The following HADH variants were observed in gnomAD, a reference collection of about 807,000 sequenced individuals.
The protein encoded by HADH is hydroxyacyl-coenzyme A dehydrogenase, mitochondrial.
HADH carries 24 observed loss-of-function variants against 32.2 expected under a neutral mutation model. That is an observed-to-expected ratio of 0.75 (90% CI 0.54 to 1.05). The LOEUF (loss-of-function observed/expected upper bound fraction) is 1.05. HADH is among the 50% of genes least tolerant of loss of function. HADH has a pLI of 0.00. For synonymous variants in HADH, 139 were observed against 152.5 expected, an observed-to-expected ratio of 0.91 and a Z score of 0.65; for missense variants, 350 against 397.1, an observed-to-expected ratio of 0.88 and a Z score of 1.01.
chr4:108,034,131 G>A (rs1245986355), intron 7 of HADH, 108 bp from the exon 8 acceptor site: 3 of 814,750 alleles, frequency 3.7e-6, no homozygotes, highest in East Asian at 2.5e-5. Context: ...CCATGCCTGG[G>A]GGGCTCTCCC....
In HADH at chr4:108,019,501, G is replaced by T. The variant is rs575507968; in HGVS notation, c.420-39G>T. ...AGAGTCATGCTGTTTTGAAAGAAGAGATTCACTCTGATACTCCCACTATAT... is the reference window on the plus strand; with the variant it reads ...AGAGTCATGCTGTTTTGAAAGAAGATATTCACTCTGATACTCCCACTATAT... On this transcript the variant is annotated intron_variant, in intron 3 of 7. Transcript: ENST00000309522. 19 of 1,598,962 alleles carry T rather than the reference G, an allele frequency of 1.2e-5. No individual in the cohort carries two copies. In the African/African-American group the frequency reaches 2.4e-4, roughly 20 times the overall value.
Position 108,014,578 on chromosome 4 carries a change from T to A in HADH, c.409T>A (p.Phe137Ile), listed in dbSNP as rs754407550. 2 of 1,613,694 alleles carry A rather than the reference T, an allele frequency of 1.2e-6. No individual in the cohort carries two copies. Among genetic ancestry groups the A allele is most frequent in the Admixed American group, 3.3e-5 (2 of 59,998 alleles). Residue 137 changes from phenylalanine to isoleucine, a missense_variant, in exon 3 of 8, where the codon TTT (phenylalanine) becomes ATT (isoleucine). Physicochemically the swap from Phe to Ile is conservative, Grantham distance 21 (BLOSUM62 0). Coordinates refer to ENST00000309522, the MANE Select transcript of HADH (RefSeq NM_005327.7). ...CGAGCTCTTCAAAAGGCTGGACAAG[T>A]TTGCTGCTGAGTATGTAACCTCTGG... The part of the protein sequence containing the change: ...KNELFKRLDK[F>I]AAEHTIFASN...
intron 1 of HADH, among the ~76,000 whole-genome samples, chr4:108,007,106 T>A (rs1385085782): frequency 6.6e-6 from 1 of 152,098 alleles, no homozygotes; most frequent in Non-Finnish European, 1.5e-5. Flanking sequence ...TTTGTTTGTT[T>A]GTTTGTTTGT....
chr4:108,019,743 C>A, intron 4 of HADH, 77 bp downstream of exon 4: 2 of 1,559,468 alleles, frequency 1.3e-6, no homozygotes, highest in East Asian at 2.2e-5. Context: ...TTACACCAGC[C>A]CTGCCACCAG....
intron 1 of HADH, among the ~76,000 whole-genome samples, chr4:108,004,082 T>C (rs1013391470): frequency 2.6e-5 from 4 of 152,202 alleles, no homozygotes; most frequent in African/African-American, 9.6e-5. Context: ...AAGAAAGGCA[T>C]GTGAGCAGGC....
At chr4:108,023,404 A>G in intron 4 of HADH, 70 bp from the exon 5 acceptor site, 1 of 896,076 alleles carries the variant, frequency 1.1e-6, no homozygotes, top group East Asian at 2.4e-5. Context: ...TTGATCAATC[A>G]TTCCTTGAAC....
chr4:108,013,850 G>A (rs1578254429), intron 2 of HADH, among the ~76,000 whole-genome samples: 1 of 152,008 alleles, frequency 6.6e-6, no homozygotes, highest in Non-Finnish European at 1.5e-5. Flanking sequence ...AATGTGGCTA[G>A]TAGAATATTT....
chr4:108,012,163 C>T (rs923644393), intron 2 of HADH, among the ~76,000 whole-genome samples: 2 of 151,970 alleles, frequency 1.3e-5, no homozygotes, highest in Non-Finnish European at 2.9e-5. Flanking sequence ...ACTCAAAGTG[C>T]TGGGATTACA....
At chr4:108,014,872 A>G (rs1735641367) in intron 3 of HADH, among the ~76,000 whole-genome samples, 1 of 152,116 alleles carries the variant, frequency 6.6e-6, no homozygotes, top group African/African-American at 2.4e-5. Context: ...TTTAGCTATC[A>G]CTTATATGTG....
At chr4:108,004,170 T>C (rs1475363138) in intron 1 of HADH, among the ~76,000 whole-genome samples, 1 of 152,186 alleles carries the variant, frequency 6.6e-6, no homozygotes, top group East Asian at 1.9e-4. Context: ...TCAGAGGAGA[T>C]AATTTATGAA....
chr4:108,029,056 T>A (rs1736164491), intron 6 of HADH: 1 of 395,498 alleles, frequency 2.5e-6, no homozygotes, highest in South Asian at 1.4e-4. Context: ...CTGCTTCTTT[T>A]TCCACCACCT....
intron 1 of HADH, among the ~76,000 whole-genome samples, chr4:108,001,146 C>G (rs927167252): frequency 1.3e-5 from 2 of 152,176 alleles, no homozygotes; most frequent in Non-Finnish European, 2.9e-5. Context: ...ATGGATAGAA[C>G]ATTTCTGGAC....
chr4:107,995,368 A>G (rs998706344), intron 1 of HADH, among the ~76,000 whole-genome samples: 5 of 152,192 alleles, frequency 3.3e-5, no homozygotes, highest in Non-Finnish European at 7.3e-5. Context: ...CTCCTAGAAT[A>G]GCATTAGTGT....
At chr4:107,990,094 G>A in intron 1 of HADH, 30 bp downstream of exon 1, 2 of 1,585,520 alleles carry the variant, frequency 1.3e-6, no homozygotes, top group South Asian at 1.1e-5. Flanking sequence ...GCGTGCCCAC[G>A]CGCTTGGCCG....
intron 1 of HADH, among the ~76,000 whole-genome samples, chr4:107,992,669 C>T (rs538797511): frequency 6.6e-6 from 1 of 152,258 alleles, no homozygotes; most frequent in South Asian, 2.1e-4. Flanking sequence ...CTAAAGTAGA[C>T]TAATGCTAGT....
In HADH at chr4:108,002,852, T is replaced by C. The variant is rs1028332374; in HGVS notation, c.133-6907T>C. ...GCCATATTACTAGAGTTTAGGAATT[T>C]AATGGCTCAGGAGAAAGTAGAAGCA... On this transcript the variant is annotated intron_variant, in intron 1 of 7. Transcript: ENST00000309522. Among the ~76,000 whole-genome samples the C allele has an allele frequency of 3.3e-5, 5 of 152,234 alleles. No individual in the cohort carries two copies. The East Asian group carries it at 9.6e-4, about 29-fold the overall frequency.
intron 1 of HADH, among the ~76,000 whole-genome samples, chr4:107,997,903 G>A (rs963906784): frequency 3.9e-5 from 6 of 152,154 alleles, no homozygotes; most frequent in Non-Finnish European, 8.8e-5. Flanking sequence ...TAACTTGGGT[G>A]TTACTGAATT....
At chr4:108,009,215 C>G (rs1259686998) in intron 1 of HADH, among the ~76,000 whole-genome samples, 1 of 152,122 alleles carries the variant, frequency 6.6e-6, no homozygotes, top group African/African-American at 2.4e-5. Context: ...AGAGAAGGGC[C>G]AAGAGGCCAA....
chr4:107,995,279 T>C (rs889107130), intron 1 of HADH, among the ~76,000 whole-genome samples: 3 of 152,208 alleles, frequency 2.0e-5, no homozygotes, highest in Non-Finnish European at 4.4e-5. Context: ...ATCACTTAAC[T>C]CCTCTCTGCC....
Sources: gnomAD v4.1 joint callset for allele counts (sites outside exome capture counted in the v4.1 genomes callset) on GRCh38, gnomAD v4.1.1 for gene constraint, MANE v1.5 for transcripts, NCBI Gene and HGNC (gene_info 2026-07-23, HGNC 2026-07-21) for gene names.